RORA: variants seen among roughly 807,000 people sequenced by gnomAD.
RORA encodes the protein nuclear receptor ROR-alpha.
Under a neutral mutation model 69.5 loss-of-function variants are expected in RORA, and 7 were observed. The ratio of observed to expected loss-of-function variants is 0.10; its 90% confidence interval spans 0.06 to 0.19. The LOEUF is 0.19. Ranked by LOEUF, RORA falls within the 10% of genes least tolerant of loss-of-function variation. The pLI, the probability that RORA is intolerant of heterozygous loss-of-function variation, is 1.00. For synonymous variants in RORA, 261 were observed against 240.8 expected (o/e 1.08, Z -0.78); for missense variants, 457 against 663.0 (o/e 0.69, Z 3.41).
At chr15:60,675,594 T>C (rs1305034043) in intron 2 of RORA, among the ~76,000 whole-genome samples, 2 of 152,204 alleles carry the variant, frequency 1.3e-5, no homozygotes, top group Admixed American at 1.3e-4. Flanking sequence ...TCTCAGAAGC[T>C]TAGGAGAAAC....
At chr15:60,817,692 C>A (rs947389234) in intron 1 of RORA, among the ~76,000 whole-genome samples, 1 of 152,230 alleles carries the variant, frequency 6.6e-6, no homozygotes, top group Non-Finnish European at 1.5e-5. Flanking sequence ...CCCAGGTACA[C>A]GTTACTGCCT....
At chr15:60,559,711 C>A (rs909759026) in intron 2 of RORA, among the ~76,000 whole-genome samples, 2 of 152,144 alleles carry the variant, frequency 1.3e-5, no homozygotes, top group Non-Finnish European at 2.9e-5. Flanking sequence ...AGGACAATGA[C>A]CTTTCTGTTA....
At chr15:61,068,272 G>A (rs896321023) in intron 1 of RORA, among the ~76,000 whole-genome samples, 3 of 152,312 alleles carry the variant, frequency 2.0e-5, no homozygotes, top group East Asian at 3.9e-4. Flanking sequence ...TACACAAAAC[G>A]TATAGAGAAG....
chr15:61,183,631 A>C (rs1596054712), intron 1 of RORA, among the ~76,000 whole-genome samples: 1 of 152,014 alleles, frequency 6.6e-6, no homozygotes, highest in South Asian at 2.1e-4. Flanking sequence ...AATCATTCAT[A>C]TATCACTCTT....
intron 1 of RORA, among the ~76,000 whole-genome samples, chr15:60,970,772 T>C (rs1259325933): frequency 6.6e-6 from 1 of 152,188 alleles, no homozygotes; most frequent in African/African-American, 2.4e-5. Context: ...GGTTGTGTAT[T>C]TTTTCCTTGA....
At chr15:60,964,547 G>T (rs954744872) in intron 1 of RORA, among the ~76,000 whole-genome samples, 3 of 152,158 alleles carry the variant, frequency 2.0e-5, no homozygotes, top group Non-Finnish European at 4.4e-5. Context: ...CCTGAGTCCT[G>T]GGGAGAGACA....
chr15:60,579,636 C>G (rs2068133519), intron 2 of RORA, among the ~76,000 whole-genome samples: 1 of 152,184 alleles, frequency 6.6e-6, no homozygotes, highest in Admixed American at 6.5e-5. Context: ...ATGACATGCT[C>G]AGTGCCCCCT....
intron 2 of RORA, among the ~76,000 whole-genome samples, chr15:60,628,760 G>A (rs2069657467): frequency 2.0e-5 from 3 of 152,122 alleles, no homozygotes; most frequent in Non-Finnish European, 2.9e-5. Flanking sequence ...CTCAAGTCCC[G>A]TAAAGATCTT....
intron 1 of RORA, among the ~76,000 whole-genome samples, chr15:61,063,536 C>A (rs2078216071): frequency 6.6e-6 from 1 of 152,116 alleles, no homozygotes; most frequent in Non-Finnish European, 1.5e-5. Context: ...ACCAACAGTG[C>A]AATAAAATGT....
chr15:61,178,448 T>C (rs1465682392), intron 1 of RORA, among the ~76,000 whole-genome samples: 2 of 152,166 alleles, frequency 1.3e-5, no homozygotes, highest in African/African-American at 4.8e-5. Flanking sequence ...AATCTGAAAG[T>C]GCTCAAATTC....
intron 2 of RORA, among the ~76,000 whole-genome samples, chr15:60,561,283 G>A (rs1265426111): frequency 8.6e-5 from 13 of 151,346 alleles, no homozygotes; most frequent in Admixed American, 2.0e-4. Context: ...GGGTTTCACC[G>A]TGTTAGCCAG....
rs999850932 is a variant in RORA at position 60,492,452 on chromosome 15, A to C, written c.*5003T>G. On this transcript the variant is annotated 3_prime_UTR_variant, in exon 11 of 11. Coordinates refer to ENST00000335670, the MANE Select transcript of RORA (RefSeq NM_134261.3). ...AAGTAAGAATTGTTTTCCATGAAGG[A>C]ATTTTTGGTTTGCTTCTAGAGGAGA... 6.6e-6 allele frequency: 1 copy of C among 152,140 alleles called. No homozygotes were observed. Among genetic ancestry groups the C allele is most frequent in the African/African-American group, 2.4e-5 (1 of 41,432 alleles). 9.4% of individuals were successfully genotyped at this position (152,140 alleles called of 1,614,324 possible). A position where few individuals can be genotyped will look rare whatever the true frequency, so the allele number is the denominator to read the frequency against.
intron 1 of RORA, among the ~76,000 whole-genome samples, chr15:61,141,724 G>A (rs2140863218): frequency 6.6e-6 from 1 of 152,310 alleles, no homozygotes; most frequent in South Asian, 2.1e-4. Flanking sequence ...CAGGCACACA[G>A]CAAGGTCCCG....
intron 1 of RORA, among the ~76,000 whole-genome samples, chr15:60,732,109 A>G (rs1025274092): frequency 6.6e-6 from 1 of 152,246 alleles, no homozygotes; most frequent in Non-Finnish European, 1.5e-5. Context: ...AGAGTTTTCA[A>G]GAATTTAAAA....
intron 6 of RORA, 127 bp from the exon 7 acceptor site, chr15:60,503,794 G>T: frequency 1.8e-6 from 2 of 1,088,588 alleles, no homozygotes; most frequent in Non-Finnish European, 1.3e-6. Flanking sequence ...GGCAAAGTGG[G>T]ATCTTATTTT....
At chr15:61,023,452 G>A (rs1895646457) in intron 1 of RORA, among the ~76,000 whole-genome samples, 1 of 152,038 alleles carries the variant, frequency 6.6e-6, no homozygotes, top group South Asian at 2.1e-4. Flanking sequence ...CCATGGCAAT[G>A]GTATGGGGGA....
chr15:60,804,999 A>C (rs553810576), intron 1 of RORA, among the ~76,000 whole-genome samples: 1 of 152,358 alleles, frequency 6.6e-6, no homozygotes, highest in African/African-American at 2.4e-5. Flanking sequence ...AATCAAGGGA[A>C]AATGGCTTCC....
At position 60,669,619 on chromosome 15, in the gene RORA, C is replaced by T. The variant is rs554228114; in HGVS notation, c.196+9038G>A. Among the ~76,000 whole-genome samples, 17 of 151,266 alleles carry T rather than the reference C, an allele frequency of 1.1e-4. No homozygotes were observed. The East Asian group carries it at 3.3e-3, about 29-fold the overall frequency. ...TCTGTTCTTACTGGTCTCCCTTTTC[C>T]TTGTTAATACTCTACTCCAGTCAGA... On this transcript the variant is annotated intron_variant, in intron 2 of 10. Coordinates refer to ENST00000335670, the MANE Select transcript of RORA (RefSeq NM_134261.3).
chr15:61,090,810 A>G (rs2078694330), intron 1 of RORA, among the ~76,000 whole-genome samples: 1 of 152,166 alleles, frequency 6.6e-6, no homozygotes. Flanking sequence ...ACTCATTGTG[A>G]TCTGCCACTG....
Sources: gnomAD v4.1 joint callset for allele counts (sites outside exome capture counted in the v4.1 genomes callset) on GRCh38, gnomAD v4.1.1 for gene constraint, MANE v1.5 for transcripts, NCBI Gene and HGNC (gene_info 2026-07-23, HGNC 2026-07-21) for gene names.